The following CTNNA1 variants were observed in gnomAD, a reference collection of about 807,000 sequenced individuals.
CTNNA1 encodes catenin alpha 1.
Under a neutral mutation model 98.4 loss-of-function variants are expected in CTNNA1, and 37 were observed. That is an observed-to-expected ratio of 0.38 (90% CI 0.29 to 0.49). The LOEUF is 0.49. Ranked by LOEUF, CTNNA1 falls within the 20% of genes least tolerant of loss-of-function variation. CTNNA1 has a pLI of 0.95. For missense variants in CTNNA1, 761 were observed against 1,147.2 expected, an observed-to-expected ratio of 0.66 and a Z score of 4.86; for synonymous variants, 404 against 413.2, an observed-to-expected ratio of 0.98 and a Z score of 0.27.
At chr5:138,852,871 G>GCGCACACACACACGCGCGCACGCA (rs869240008) in intron 7 of CTNNA1, among the ~76,000 whole-genome samples, 2 of 151,240 alleles carry the variant, frequency 1.3e-5, no homozygotes, top group Non-Finnish European at 1.5e-5. Flanking sequence ...GCGCGCGCGC[G>GCGCACACACACACGCGCGCACGCA]CACACACACA....
In CTNNA1 at chr5:138,921,710, C is replaced by T. The variant is rs190131462; in HGVS notation, c.1547-2800C>T. Among the ~76,000 whole-genome samples, 25 of 147,236 alleles carry T rather than the reference C, an allele frequency of 1.7e-4. 1 individual carries two copies. In the East Asian group the frequency reaches 5.0e-3, roughly 29 times the overall value. ...CTGCCTCCCAGGTTCAAGCGATTCT[C>T]CTGCCTGAGCCTCCTGAGTAGCTGG... On this transcript the variant is annotated intron_variant, in intron 11 of 17. Coordinates refer to ENST00000302763, the MANE Select transcript of CTNNA1 (RefSeq NM_001903.5).
intron 10 of CTNNA1, among the ~76,000 whole-genome samples, chr5:138,910,877 T>A (rs1760464868): frequency 6.6e-6 from 1 of 152,200 alleles, no homozygotes; most frequent in Admixed American, 6.5e-5. Flanking sequence ...GGCCTTTGGC[T>A]TTTAATTTGA....
chr5:138,904,214 C>A (rs1269496947), intron 9 of CTNNA1, 135 bp from the exon 10 acceptor site: 6 of 1,036,802 alleles, frequency 5.8e-6, no homozygotes, highest in Non-Finnish European at 8.2e-6. Flanking sequence ...AGTAAATAAT[C>A]AGGCTGTGAG....
At chr5:138,860,836 C>T (rs1764204963) in intron 7 of CTNNA1, among the ~76,000 whole-genome samples, 1 of 152,122 alleles carries the variant, frequency 6.6e-6, no homozygotes, top group South Asian at 2.1e-4. Flanking sequence ...AACAGTTTTG[C>T]ACACACTGGC....
At chr5:138,794,577 T>A (rs949560853) in intron 3 of CTNNA1, among the ~76,000 whole-genome samples, 7 of 152,354 alleles carry the variant, frequency 4.6e-5, no homozygotes, top group Admixed American at 3.9e-4. Flanking sequence ...ATGCCAAATA[T>A]ATACTACCAT....
intron 11 of CTNNA1, among the ~76,000 whole-genome samples, chr5:138,921,846 G>A (rs1463112892): frequency 3.3e-5 from 5 of 151,292 alleles, no homozygotes; most frequent in East Asian, 1.9e-4. Flanking sequence ...TGATCTGCCC[G>A]CCCTCAGCCT....
chr5:138,787,983 G>C (rs10054176), intron 3 of CTNNA1, among the ~76,000 whole-genome samples: 3,476 of 152,260 alleles, frequency 0.023, 135 homozygotes, highest in African/African-American at 0.08. Flanking sequence ...TGTGATCTAA[G>C]AGTTTAATTG....
At chr5:138,910,029 A>G (rs1760203187) in intron 10 of CTNNA1, among the ~76,000 whole-genome samples, 1 of 152,098 alleles carries the variant, frequency 6.6e-6, no homozygotes, top group Admixed American at 6.5e-5. Flanking sequence ...CAGAGAACTC[A>G]AGGGAGATGC....
intron 7 of CTNNA1, chr5:138,872,027 A>AGTGTGTGTGTGT (rs370259988): frequency 3.0e-5 from 4 of 133,066 alleles, no homozygotes; most frequent in Admixed American, 7.5e-5. Context: ...AGAGCGCGAG[A>AGTGTGTGTGTGT]GTGTGTGTGT....
chr5:138,793,034 T>G (rs1756547114), intron 3 of CTNNA1, among the ~76,000 whole-genome samples: 1 of 152,202 alleles, frequency 6.6e-6, no homozygotes, highest in Non-Finnish European at 1.5e-5. Context: ...TGTGGCTTGG[T>G]CTTTTGTTAG....
intron 7 of CTNNA1, among the ~76,000 whole-genome samples, chr5:138,850,254 C>T (rs977201291): frequency 1.7e-4 from 26 of 152,190 alleles, no homozygotes; most frequent in Admixed American, 6.5e-4. Context: ...CTTCCTTCTT[C>T]TTTCTTAGAT....
chr5:138,880,651 T>C (rs1234223757), intron 7 of CTNNA1: 1 of 162,092 alleles, frequency 6.2e-6, no homozygotes, highest in African/African-American at 2.4e-5. Flanking sequence ...TAGCTTTTGA[T>C]GTAGATGTTA....
chr5:138,917,902 A>G lies in CTNNA1; in HGVS notation c.1546+4A>G, dbSNP rs1580800562. 9 of 1,613,616 alleles carry G rather than the reference A, an allele frequency of 5.6e-6. No individual in the cohort carries two copies. Among genetic ancestry groups the G allele is most frequent in the Non-Finnish European group, 7.6e-6 (9 of 1,179,632 alleles). ...GATGACTTCTTGGCTGTCTCAGGTA[A>G]TGAGCTGGTTCCCCAGAGAAGTATG... On this transcript the variant is annotated splice_donor_region_variant and intron_variant, in intron 11 of 17. Coordinates refer to ENST00000302763, the MANE Select transcript of CTNNA1 (RefSeq NM_001903.5).
At chr5:138,905,644 T>C (rs1419379012) in intron 10 of CTNNA1, among the ~76,000 whole-genome samples, 1 of 152,240 alleles carries the variant, frequency 6.6e-6, no homozygotes, top group Non-Finnish European at 1.5e-5. Flanking sequence ...GAAGCTGTGT[T>C]ACACATCTGG....
intron 16 of CTNNA1, chr5:138,931,844 G>A: frequency 2.0e-6 from 2 of 985,424 alleles, no homozygotes; most frequent in Non-Finnish European, 2.4e-6. Flanking sequence ...TCTCTGTGGT[G>A]TACTTTGCTC....
In CTNNA1 at chr5:138,812,168, T is replaced by G; in HGVS notation, c.469-15T>G. On this transcript the variant is annotated splice_polypyrimidine_tract_variant and intron_variant, in intron 4 of 17. Coordinates refer to ENST00000302763, the MANE Select transcript of CTNNA1 (RefSeq NM_001903.5). ...TTCAGAATTTTTGGGTTTTGGGGTC[T>G]TTCTTATTTTATAGGTGGAAGATGG... The G allele has an allele frequency of 1.2e-6, 2 of 1,607,912 alleles. No homozygotes were observed. Among genetic ancestry groups the G allele is most frequent in the Non-Finnish European group, 1.7e-6 (2 of 1,178,184 alleles).
At chr5:138,849,922 G>A (rs997154218) in intron 7 of CTNNA1, among the ~76,000 whole-genome samples, 1 of 151,810 alleles carries the variant, frequency 6.6e-6, no homozygotes, top group African/African-American at 2.4e-5. Flanking sequence ...CTGTTACCTA[G>A]CCATTCAGTT....
intron 6 of CTNNA1, among the ~76,000 whole-genome samples, chr5:138,825,540 AAAAC>A (rs1158182458): frequency 7.4e-6 from 1 of 134,718 alleles, no homozygotes; most frequent in Non-Finnish European, 1.5e-5. Context: ...AAAAAAAAAA[AAAAC>A]AAACCAAAAA....
chr5:138,842,383 GT>G (rs1166897469), intron 7 of CTNNA1, among the ~76,000 whole-genome samples: 2 of 152,174 alleles, frequency 1.3e-5, no homozygotes, highest in Non-Finnish European at 2.9e-5. Context: ...AGAGCATATT[GT>G]TTATGTTACT....
Sources: gnomAD v4.1 joint callset for allele counts (sites outside exome capture counted in the v4.1 genomes callset) on GRCh38, gnomAD v4.1.1 for gene constraint, MANE v1.5 for transcripts, NCBI Gene and HGNC (gene_info 2026-07-23, HGNC 2026-07-21) for gene names.